Variants in SI observed in about 807,000 individuals in gnomAD.
The protein encoded by SI is sucrase-isomaltase, intestinal.
SI carries 235 observed loss-of-function variants against 253.3 expected under a neutral mutation model. That is an observed-to-expected ratio of 0.93 (90% confidence interval 0.83 to 1.03). SI has a LOEUF of 1.03. Ranked by LOEUF, SI falls within the 50% of genes least tolerant of loss-of-function variation. SI has a pLI of 0.00. For missense variants in SI, 2,442 were observed against 2,211.1 expected, an observed-to-expected ratio of 1.10 and a Z score of -2.09; for synonymous variants, 819 against 712.0, an observed-to-expected ratio of 1.15 and a Z score of -2.39.
At chr3:165,001,833 C>T (rs1718269070) in intron 37 of SI, among the ~76,000 whole-genome samples, 1 of 151,414 alleles carries the variant, frequency 6.6e-6, no homozygotes, top group Admixed American at 6.6e-5. Context: ...CAAGAGACCA[C>T]TTCCTATAGT....
chr3:165,039,921 C>T lies in SI; in HGVS notation c.2210G>A (p.Gly737Asp). The change falls in exon 19 of 48, where the codon GGC becomes GAC. Residue 737 changes from glycine (G) to aspartate (D), a missense_variant. Coordinates refer to ENST00000264382, the MANE Select transcript of SI (RefSeq NM_001041.4). Reference sequence around the variant, plus strand: ...AACAGGAGTAATAAGTAATGCAGGGCCCCACAAAAACTCAGTGTCCTCAAT... The same window carrying T: ...AACAGGAGTAATAAGTAATGCAGGGTCCCACAAAAACTCAGTGTCCTCAAT... Reference protein sequence around the residue: ...SWIEDTEFLWGPALLITPVLK... With the variant: ...SWIEDTEFLWDPALLITPVLK... 1 of 1,613,174 alleles carries T rather than the reference C, an allele frequency of 6.2e-7. No homozygotes were observed. Among genetic ancestry groups the T allele is most frequent in the Non-Finnish European group, 8.5e-7 (1 of 1,179,372 alleles).
At position 165,075,938 on chromosome 3, in the gene SI, A is replaced by G. The variant is rs756134029; in HGVS notation, c.75T>C (p.Ile25=). The G allele has an allele frequency of 5.6e-6, 9 of 1,602,008 alleles. No individual in the cohort carries two copies. Among genetic ancestry groups the G allele is most frequent in the Non-Finnish European group, 7.7e-6 (9 of 1,170,496 alleles). Residue 25 remains isoleucine, a synonymous_variant, in exon 2 of 48, where the codon ATT becomes ATC. Coordinates refer to ENST00000264382, the MANE Select transcript of SI (RefSeq NM_001041.4). ...VLFVIVTIIA[I]ALIVVLATKT... ...TAGTTGCTAAAACAACAATTAAGGC[A>G]ATAGCTATTATAGTAACTATGACAA...
In SI at chr3:165,042,812, G is replaced by A. The variant is rs149393096; in HGVS notation, c.2004+247C>T. 2.5e-3 allele frequency among the ~76,000 whole-genome samples: 382 copies of A among 152,106 alleles called. 1 individual carries two copies. The highest frequency in any genetic ancestry group is 8.1e-3 in the South Asian group (39 of 4,830). ...ACTTAATATACTTGTACAGTTATGC[G>A]TTAGTCTCAACTAAAATATTTGTGC... On this transcript the variant is annotated intron_variant, in intron 17 of 47. Transcript: ENST00000264382.
chr3:165,017,933 CATAAA>C (rs748161070), intron 29 of SI, 32 bp downstream of exon 29: 2 of 1,585,806 alleles, frequency 1.3e-6, no homozygotes, highest in Non-Finnish European at 1.7e-6. Context: ...GAAAAAGTCA[CATAAA>C]ATAAGAGACA....
chr3:165,036,459 T>C lies in SI; in HGVS notation c.2445A>G (p.Gly815=), dbSNP rs1712536621. 6 of 1,610,926 alleles carry C rather than the reference T, an allele frequency of 3.7e-6. No homozygotes were observed. The highest frequency in any genetic ancestry group is 2.7e-5 in the African/African-American group (2 of 74,886). The change falls in exon 22 of 48, where the codon GGA becomes GGG. Residue 815 remains glycine, a synonymous_variant. Transcript: ENST00000264382. ...TTTASRKNPL[G]LIVALGENNT... ...TGTTTTCACCTAATGCGACTATAAG[T>C]CCTAGAGGATTCTTACGGCTGTTAA...
In SI at chr3:165,046,929, T is replaced by C. The variant is rs576510887; in HGVS notation, c.1799A>G (p.His600Arg). ...TFAGSGRHAA[H>R]WLGDNTASWE... is the part of the protein sequence containing the mutation. ...TGAAGCAGTATTGTCTCCTAACCAA[T>C]GCGCAGCATGTCTTCCAGATCCAGC... is the stretch of plus-strand genomic sequence containing the variant. Residue 600 changes from histidine (H) to arginine (R), a missense_variant, in exon 16 of 48, where the codon CAT becomes CGT. Physicochemically the swap from His to Arg is conservative, Grantham distance 29. Transcript: ENST00000264382. 29 of 1,612,970 alleles carry C rather than the reference T, an allele frequency of 1.8e-5. No homozygotes were observed. The highest frequency in any genetic ancestry group is 2.7e-5 in the African/African-American group (2 of 75,020).
At chr3:165,083,606 G>C in the SI span, among the ~76,000 whole-genome samples, 1 of 151,878 alleles carries the variant, frequency 6.6e-6, no homozygotes, top group African/African-American at 2.4e-5. Context: ...AGAGTAGCTT[G>C]TTTCATACTC....
Position 165,059,923 on chromosome 3 carries a change from G to T in SI, c.1125C>A (p.Asn375Lys). The change falls in exon 10 of 48, where the codon AAC becomes AAA. Residue 375 changes from asparagine to lysine, a missense_variant. Asn to Lys is a moderately conservative substitution (Grantham distance 94). Coordinates refer to ENST00000264382, the MANE Select transcript of SI (RefSeq NM_001041.4). ...TTACAAATGGTATGCCAGCTTCCCG[G>T]TTTCTCCTTACCACTTCTTTCACTA... The part of the protein sequence containing the change: ...LDVVKEVVRR[N>K]REAGIPFDTQ... 1 of 1,611,796 alleles carries T rather than the reference G, an allele frequency of 6.2e-7. No individual in the cohort carries two copies.
rs748450425 is a variant in SI, at chr3:164,992,316, T to A, written c.4923A>T (p.Glu1641Asp). 5 of 1,613,162 alleles carry A rather than the reference T, an allele frequency of 3.1e-6. No homozygotes were observed. Among genetic ancestry groups the A allele is most frequent in the Non-Finnish European group, 4.2e-6 (5 of 1,179,296 alleles). Reference protein sequence around the residue: ...GPAFMVTPVLEPYVQTVNAYV... With the variant: ...GPAFMVTPVLDPYVQTVNAYV... ...AAAAATATGTGGTAGGACTTACAGG[T>A]TCCAGTACTGGGGTAACCATAAATG... is the stretch of plus-strand genomic sequence containing the variant. The change falls in exon 42 of 48, where the codon GAA becomes GAT. Residue 1641 changes from glutamate (E) to aspartate (D), a missense_variant. Physicochemically the swap from Glu to Asp is conservative, Grantham distance 45. Coordinates refer to ENST00000264382, the MANE Select transcript of SI (RefSeq NM_001041.4).
At chr3:165,052,587 G>T (rs1713488301) in intron 13 of SI, among the ~76,000 whole-genome samples, 1 of 151,990 alleles carries the variant, frequency 6.6e-6, no homozygotes, top group Non-Finnish European at 1.5e-5. Flanking sequence ...AACCTGGGTG[G>T]CGGAGGTTGC....
chr3:165,058,259 G>C (rs1713799080), intron 12 of SI, among the ~76,000 whole-genome samples: 1 of 151,710 alleles, frequency 6.6e-6, no homozygotes, highest in Admixed American at 6.6e-5. Flanking sequence ...GAAACACAAT[G>C]TACCAAAGTC....
intron 27 of SI, among the ~76,000 whole-genome samples, chr3:165,020,760 T>C (rs988095369): frequency 6.6e-6 from 1 of 151,588 alleles, no homozygotes; most frequent in African/African-American, 2.4e-5. Flanking sequence ...TTAAATTTAT[T>C]CATTGTAACA....
chr3:165,023,605 C>G lies in SI; in HGVS notation c.3064G>C (p.Val1022Leu). The stretch of plus-strand genomic sequence containing the variant: ...AACATATCATTTTTGTGATATTTCA[C>G]CTCCACACGAAGAGTTGAGATGGGG... ...SDPISTLRVE[V>L]KYHKNDMLQF... is the part of the protein sequence containing the mutation. The change falls in exon 26 of 48, where the codon GTG becomes CTG. Residue 1022 changes from valine to leucine, a missense_variant. Coordinates refer to ENST00000264382, the MANE Select transcript of SI (RefSeq NM_001041.4). 1 of 1,610,612 alleles carries G rather than the reference C, an allele frequency of 6.2e-7. No homozygotes were observed. Among genetic ancestry groups the G allele is most frequent in the Admixed American group, 1.7e-5 (1 of 59,648 alleles).
intron 25 of SI, among the ~76,000 whole-genome samples, chr3:165,027,859 A>G (rs1712011159): frequency 6.6e-6 from 1 of 151,546 alleles, no homozygotes; most frequent in Non-Finnish European, 1.5e-5. Flanking sequence ...AGTTGAAAGC[A>G]TTCTCTCTGA....
At chr3:165,076,225 G>C (rs115597033) in intron 1 of SI, among the ~76,000 whole-genome samples, 1 of 151,602 alleles carries the variant, frequency 6.6e-6, no homozygotes, top group African/African-American at 2.4e-5. Context: ...TAAAATGTAA[G>C]CAACACATGC....
intron 21 of SI, among the ~76,000 whole-genome samples, chr3:165,036,992 T>C (rs1219022884): frequency 6.6e-6 from 1 of 151,800 alleles, no homozygotes; most frequent in Non-Finnish European, 1.5e-5. Flanking sequence ...AGTTACATTT[T>C]ACCAGGCATC....
At chr3:165,026,735 T>C (rs1711943824) in intron 25 of SI, among the ~76,000 whole-genome samples, 1 of 151,136 alleles carries the variant, frequency 6.6e-6, no homozygotes, top group Non-Finnish European at 1.5e-5. Context: ...GGGTCAAAAA[T>C]AAAATCAAGT....
chr3:165,042,797 C>A (rs1016503800), intron 17 of SI, among the ~76,000 whole-genome samples: 1 of 152,018 alleles, frequency 6.6e-6, no homozygotes, highest in Non-Finnish European at 1.5e-5. Context: ...ACTTAATATA[C>A]TTGTACAGTT....
In SI at chr3:164,998,608, C is replaced by A; in HGVS notation, c.4472G>T (p.Gly1491Val). Residue 1491 changes from glycine to valine, a missense_variant, in exon 38 of 48, where the codon GGA becomes GTA. By Grantham distance (109) the Gly-to-Val change is moderately radical (BLOSUM62 -3). Transcript: ENST00000264382. ...VISRSTYPTSGRWGGHWLGDN... is the reference protein window; with the variant it reads ...VISRSTYPTSVRWGGHWLGDN... ...TCCAAGCCAGTGTCCTCCCCATCGT[C>A]CACTAGTAGGATACGTGGAACGAGA... The A allele has an allele frequency of 6.2e-7, 1 of 1,611,786 alleles. No individual in the cohort carries two copies. Among genetic ancestry groups the A allele is most frequent in the Non-Finnish European group, 8.5e-7 (1 of 1,178,368 alleles).
Sources: allele counts gnomAD v4.1 joint callset (sites outside exome capture counted in the v4.1 genomes callset), GRCh38; gene constraint gnomAD v4.1.1; transcripts MANE v1.5; gene names NCBI Gene and HGNC (gene_info 2026-07-23, HGNC 2026-07-21).